Variants in C12orf42 observed in about 807,000 individuals in gnomAD.
C12orf42 encodes chromosome 12 open reading frame 42.
Under a neutral mutation model 21.6 loss-of-function variants are expected in C12orf42, and 25 were observed. The ratio of observed to expected loss-of-function variants is 1.16; its 90% CI spans 0.84 to 1.62. The LOEUF is 1.62. C12orf42 is among the 40% of genes most tolerant of loss of function. The probability of loss-of-function intolerance (pLI) is 0.00; values close to 1 mark genes in which losing one functional copy is unlikely to be tolerated. For missense variants in C12orf42, 483 were observed against 459.3 expected (o/e 1.05, Z -0.47); for synonymous variants, 174 against 175.0 (o/e 0.99, Z 0.05).
At chr12:103,286,256 AT>A (rs2136334853) in intron 4 of C12orf42, among the ~76,000 whole-genome samples, 1 of 88,592 alleles carries the variant, frequency 1.1e-5, no homozygotes, top group Admixed American at 1.1e-4. Context: ...ATCTCAAAAA[AT>A]AAATAAATAA....
intron 4 of C12orf42, among the ~76,000 whole-genome samples, chr12:103,286,902 T>C (rs1001485656): frequency 6.6e-6 from 1 of 150,674 alleles, no homozygotes; most frequent in African/African-American, 2.5e-5. Context: ...ACATCATATC[T>C]GCACTCCAGC....
In C12orf42 at chr12:103,302,113, G is replaced by C; in HGVS notation, c.1078C>G (p.His360Asp). 6.3e-7 allele frequency: 1 copy of C among 1,598,964 alleles called. No homozygotes were observed. Among genetic ancestry groups the C allele is most frequent in the Non-Finnish European group, 8.5e-7 (1 of 1,172,116 alleles). Residue 360 changes from histidine (H) to aspartate (D), a missense_variant, in exon 6 of 6, where the codon CAT becomes GAT. Coordinates refer to ENST00000548883, the MANE Select transcript of C12orf42 (RefSeq NM_198521.5). ...GAACAATTCCCTCGCAGCGGTCAAT[G>C]TAAGTGAGCATTCACCACCGGCCTA... is the stretch of plus-strand genomic sequence containing the variant. Reference protein sequence around the residue: ...LSRPVVNAHLH With the variant: ...LSRPVVNAHLD
At chr12:103,223,380 T>C in the C12orf42 span, among the ~76,000 whole-genome samples, 8 of 152,162 alleles carry the variant, frequency 5.3e-5, no homozygotes, top group African/African-American at 1.7e-4. Context: ...GGCCTGGATA[T>C]GGTTTTGGAT....
chr12:103,179,941 C>A, the C12orf42 span, among the ~76,000 whole-genome samples: 1 of 151,882 alleles, frequency 6.6e-6, no homozygotes, highest in African/African-American at 2.4e-5. Flanking sequence ...GTGCTGTTGA[C>A]CAAGAGAGGG....
the C12orf42 span, among the ~76,000 whole-genome samples, chr12:103,137,251 G>C: frequency 6.6e-6 from 1 of 151,792 alleles, no homozygotes; most frequent in Non-Finnish European, 1.5e-5. Flanking sequence ...CATACAAATG[G>C]CCAACACATA....
At chr12:103,107,845 A>T in the C12orf42 span, among the ~76,000 whole-genome samples, 8 of 151,730 alleles carry the variant, frequency 5.3e-5, no homozygotes, top group Admixed American at 2.0e-4. Flanking sequence ...GACTGATTGA[A>T]AAAAAAGAGA....
At chr12:103,249,576 A>C (rs114904338) in intron 10 of C12orf42, among the ~76,000 whole-genome samples, 2,443 of 152,104 alleles carry the variant, frequency 0.016, 60 homozygotes, top group African/African-American at 0.053. Flanking sequence ...TAAATAAGAA[A>C]ATCTCCTATT....
chr12:103,354,638 G>A (rs1307140022), intron 4 of C12orf42, among the ~76,000 whole-genome samples: 2 of 152,150 alleles, frequency 1.3e-5, no homozygotes, highest in African/African-American at 2.4e-5. Flanking sequence ...TGTTAGATTG[G>A]TAAATGCATA....
chr12:103,399,462 G>A (rs1260428192), intron 3 of C12orf42, among the ~76,000 whole-genome samples: 3 of 149,490 alleles, frequency 2.0e-5, no homozygotes, highest in African/African-American at 4.9e-5. Context: ...TCCACCTCCC[G>A]GGTTCAAATA....
intron 3 of C12orf42, among the ~76,000 whole-genome samples, chr12:103,379,069 T>C (rs1012907697): frequency 4.6e-5 from 7 of 152,216 alleles, no homozygotes; most frequent in South Asian, 2.1e-4. Context: ...TACGTAGATA[T>C]ATAGATATAA....
intron 4 of C12orf42, among the ~76,000 whole-genome samples, chr12:103,340,102 G>A (rs1278750709): frequency 6.6e-6 from 1 of 152,160 alleles, no homozygotes; most frequent in Non-Finnish European, 1.5e-5. Context: ...AGAGCCTCAT[G>A]GACTCCTTGA....
At chr12:103,128,508 A>G in the C12orf42 span, among the ~76,000 whole-genome samples, 1 of 152,212 alleles carries the variant, frequency 6.6e-6, no homozygotes, top group Non-Finnish European at 1.5e-5. Context: ...TAGCAAACTC[A>G]GTACTTCCTA....
At chr12:103,062,298 G>A in the C12orf42 span, among the ~76,000 whole-genome samples, 1 of 151,324 alleles carries the variant, frequency 6.6e-6, no homozygotes, top group South Asian at 2.1e-4. Flanking sequence ...CTTAAAGAAG[G>A]ACTTGATTAG....
At chr12:103,309,868 G>A (rs751674964) in intron 4 of C12orf42, among the ~76,000 whole-genome samples, 5 of 152,260 alleles carry the variant, frequency 3.3e-5, no homozygotes, top group South Asian at 4.1e-4. Flanking sequence ...AGCTTTGTCC[G>A]AGAGTGGAGA....
chr12:103,240,757 T>C (rs1002715024), intron 10 of C12orf42, among the ~76,000 whole-genome samples: 5 of 152,208 alleles, frequency 3.3e-5, no homozygotes, highest in African/African-American at 1.2e-4. Context: ...CCATCTTTAA[T>C]GCAAGGAGCA....
intron 3 of C12orf42, among the ~76,000 whole-genome samples, chr12:103,392,093 T>C (rs2047129958): frequency 6.6e-6 from 1 of 152,238 alleles, no homozygotes; most frequent in South Asian, 2.1e-4. Context: ...CCTTGCTCCA[T>C]TGAATGATCT....
the C12orf42 span, among the ~76,000 whole-genome samples, chr12:103,063,350 G>A: frequency 6.6e-6 from 1 of 152,208 alleles, no homozygotes; most frequent in Non-Finnish European, 1.5e-5. Context: ...AATGAAAGGT[G>A]CATGCACACC....
At chr12:103,276,608 A>C (rs1030142175) in intron 5 of C12orf42, among the ~76,000 whole-genome samples, 1 of 152,206 alleles carries the variant, frequency 6.6e-6, no homozygotes, top group Non-Finnish European at 1.5e-5. Flanking sequence ...CTGGATCCCA[A>C]AGAAAGGAGA....
the C12orf42 span, among the ~76,000 whole-genome samples, chr12:103,211,023 C>T: frequency 6.6e-6 from 1 of 152,126 alleles, no homozygotes; most frequent in Non-Finnish European, 1.5e-5. Context: ...CTTTTTCCAT[C>T]TGGATTGATT....
Sources: gnomAD v4.1 joint callset for allele counts (sites outside exome capture counted in the v4.1 genomes callset) on GRCh38, gnomAD v4.1.1 for gene constraint, MANE v1.5 for transcripts, NCBI Gene and HGNC (gene_info 2026-07-23, HGNC 2026-07-21) for gene names.